Variants in BNC2 observed in about 807,000 individuals in gnomAD.
BNC2 encodes the protein zinc finger protein basonuclin-2.
A neutral mutation model predicts 76.3 loss-of-function variants in BNC2; 20 were observed. That is an observed-to-expected ratio of 0.26 (90% CI 0.18 to 0.38). The LOEUF is 0.38. Ranked by LOEUF, BNC2 falls within the 10% of genes least tolerant of loss-of-function variation. The pLI, the probability that BNC2 is intolerant of heterozygous loss-of-function variation, is 1.00. For synonymous variants in BNC2, 582 were observed against 514.8 expected (o/e 1.13, Z -1.77); for missense variants, 1,382 against 1,399.8 (o/e 0.99, Z 0.20).
intron 5 of BNC2, among the ~76,000 whole-genome samples, chr9:16,480,545 G>T (rs909020344): frequency 6.6e-6 from 1 of 152,164 alleles, no homozygotes; most frequent in African/African-American, 2.4e-5. Context: ...TGCAGGCGGC[G>T]CTTGCGGGCC....
At position 16,653,055 on chromosome 9, in the gene BNC2, CA is replaced by C. The variant is rs1453748103; in HGVS notation, c.331-69971del. Reference sequence around the variant, plus strand: ...TTTATATTAGATGATCTCCAAATTACAAACTAGTATTTTTAGTTTAAAATTA... The same window carrying C: ...TTTATATTAGATGATCTCCAAATTACAACTAGTATTTTTAGTTTAAAATTA... On this transcript the variant is annotated intron_variant, in intron 3 of 6. Coordinates refer to ENST00000380672, the MANE Select transcript of BNC2 (RefSeq NM_017637.6). Among the ~76,000 whole-genome samples the C allele has an allele frequency of 4.6e-5, 7 of 152,230 alleles. No homozygotes were observed. In the East Asian group the frequency reaches 1.4e-3, roughly 29 times the overall value.
chr9:16,804,390 C>G (rs1035389067), intron 1 of BNC2, among the ~76,000 whole-genome samples: 59 of 152,242 alleles, frequency 3.9e-4, no homozygotes, highest in Non-Finnish European at 1.3e-4. Context: ...CTCGTGGTCA[C>G]AGCTAGAAAG....
chr9:16,762,247 G>A (rs1023324987), intron 1 of BNC2, among the ~76,000 whole-genome samples: 1 of 152,152 alleles, frequency 6.6e-6, no homozygotes, highest in Non-Finnish European at 1.5e-5. Flanking sequence ...TGAGGTGCAA[G>A]GGAGGAAGTA....
At chr9:16,784,756 G>A (rs1040127023) in intron 1 of BNC2, among the ~76,000 whole-genome samples, 11 of 152,104 alleles carry the variant, frequency 7.2e-5, no homozygotes, top group Admixed American at 5.9e-4. Flanking sequence ...TAGGTCAGTG[G>A]GAATGAAAAG....
intron 5 of BNC2, among the ~76,000 whole-genome samples, chr9:16,504,132 T>A (rs1215663594): frequency 6.6e-6 from 1 of 152,102 alleles, no homozygotes; most frequent in Non-Finnish European, 1.5e-5. Context: ...TTTATCTAAG[T>A]CATAGTTTCC....
intron 5 of BNC2, among the ~76,000 whole-genome samples, chr9:16,505,555 CAAATATGCAGCCA>C (rs1395076854): frequency 6.6e-6 from 1 of 151,934 alleles, no homozygotes; most frequent in Non-Finnish European, 1.5e-5. Context: ...GGGAGAGAGC[CAAATATGCAGCCA>C]GGATTTAAAG....
At chr9:16,843,408 G>A (rs1019945158) in intron 1 of BNC2, among the ~76,000 whole-genome samples, 1 of 152,218 alleles carries the variant, frequency 6.6e-6, no homozygotes, top group African/African-American at 2.4e-5. Context: ...TCAGCTTACT[G>A]CAAGCTCCGC....
At chr9:16,835,242 G>C (rs528181307) in intron 1 of BNC2, among the ~76,000 whole-genome samples, 2 of 152,134 alleles carry the variant, frequency 1.3e-5, no homozygotes, top group Admixed American at 1.3e-4. Flanking sequence ...ACAACTGATT[G>C]ATCTTCAATC....
chr9:16,774,527 T>C (rs151111036), intron 1 of BNC2, among the ~76,000 whole-genome samples: 122 of 152,350 alleles, frequency 8.0e-4, no homozygotes, highest in African/African-American at 2.8e-3. Context: ...GGAATATCTA[T>C]GATTTCAATG....
chr9:16,823,367 G>C (rs1818383524), intron 1 of BNC2, among the ~76,000 whole-genome samples: 1 of 145,968 alleles, frequency 6.9e-6, no homozygotes, highest in East Asian at 2.0e-4. Context: ...AAGGTGGGAG[G>C]ATCACTTGAG....
chr9:16,714,627 AAC>A (rs978579518), intron 3 of BNC2, among the ~76,000 whole-genome samples: 3 of 152,220 alleles, frequency 2.0e-5, no homozygotes, highest in Non-Finnish European at 4.4e-5. Context: ...TTATGTTTAA[AAC>A]ACAAATGGCT....
At chr9:16,591,188 A>G (rs1178451966) in intron 3 of BNC2, among the ~76,000 whole-genome samples, 1 of 152,152 alleles carries the variant, frequency 6.6e-6, no homozygotes, top group Non-Finnish European at 1.5e-5. Context: ...ATACAGCTTG[A>G]GCGAAAAAAT....
chr9:16,776,835 G>A (rs912560714), intron 1 of BNC2, among the ~76,000 whole-genome samples: 5 of 152,150 alleles, frequency 3.3e-5, no homozygotes, highest in Admixed American at 2.6e-4. Context: ...TAAAAGATAG[G>A]ACAGTGGCAG....
intron 3 of BNC2, among the ~76,000 whole-genome samples, chr9:16,703,677 C>T (rs904324751): frequency 1.3e-5 from 2 of 152,114 alleles, no homozygotes; most frequent in Non-Finnish European, 2.9e-5. Flanking sequence ...ACTCAGGGGT[C>T]TATCTTGACA....
intron 3 of BNC2, among the ~76,000 whole-genome samples, chr9:16,698,854 A>G (rs1823421717): frequency 6.6e-6 from 1 of 152,248 alleles, no homozygotes; most frequent in African/African-American, 2.4e-5. Context: ...AAGAAAGACG[A>G]CTAAAAATAC....
chr9:16,711,319 G>A (rs917289657), intron 3 of BNC2, among the ~76,000 whole-genome samples: 1 of 152,150 alleles, frequency 6.6e-6, no homozygotes, highest in Non-Finnish European at 1.5e-5. Context: ...ATCTGGCTGT[G>A]GTTGATTTGG....
chr9:16,732,466 A>G (rs1203868154), intron 2 of BNC2, among the ~76,000 whole-genome samples: 2 of 152,188 alleles, frequency 1.3e-5, no homozygotes, highest in Admixed American at 6.5e-5. Flanking sequence ...GTACTCTAGG[A>G]TTTTTATTTT....
At chr9:16,486,592 T>G (rs1230853785) in intron 5 of BNC2, among the ~76,000 whole-genome samples, 1 of 152,218 alleles carries the variant, frequency 6.6e-6, no homozygotes, top group East Asian at 1.9e-4. Flanking sequence ...AAACATATAT[T>G]CCTCAGAAAC....
chr9:16,868,895 T>G (rs945263010), intron 1 of BNC2, among the ~76,000 whole-genome samples: 4 of 152,194 alleles, frequency 2.6e-5, no homozygotes, highest in African/African-American at 9.6e-5. Flanking sequence ...CTAAGTAACG[T>G]GCCAGAAATA....
Sources: gnomAD v4.1 joint callset for allele counts (sites outside exome capture counted in the v4.1 genomes callset) on GRCh38, gnomAD v4.1.1 for gene constraint, MANE v1.5 for transcripts, NCBI Gene and HGNC (gene_info 2026-07-23, HGNC 2026-07-21) for gene names.